The following TGIF1 variants were observed in gnomAD, a reference collection of about 807,000 sequenced individuals.
TGIF1 encodes the protein TGFB induced factor homeobox 1.
In TGIF1, 4 loss-of-function variants were observed where a neutral mutation model predicts 19.3. The ratio of observed to expected loss-of-function variants is 0.21; its 90% CI spans 0.10 to 0.47. TGIF1 has a LOEUF of 0.47. TGIF1 is among the 20% of genes least tolerant of loss of function. The pLI, the probability that TGIF1 is intolerant of heterozygous loss-of-function variation, is 0.98. For synonymous variants in TGIF1, 122 were observed against 129.3 expected (o/e 0.94, Z 0.38); for missense variants, 275 against 341.4 (o/e 0.81, Z 1.53).
intron 2 of TGIF1, among the ~76,000 whole-genome samples, chr18:3,428,642 C>G (rs1399794661): frequency 6.6e-6 from 1 of 151,918 alleles, no homozygotes; most frequent in Non-Finnish European, 1.5e-5. Context: ...GAGGCTGAGG[C>G]GGGAGAATCA....
chr18:3,445,724 A>C (rs2082733240), upstream of TGIF1, among the ~76,000 whole-genome samples: 1 of 20,970 alleles, frequency 4.8e-5, no homozygotes, highest in African/African-American at 2.5e-4. Flanking sequence ...ACTCTGTCTC[A>C]AAAAAAAAAA....
At chr18:3,452,492 G>A in intron 1 of TGIF1, 2 of 1,509,388 alleles carry the variant, frequency 1.3e-6, no homozygotes, top group African/African-American at 1.4e-5. Context: ...CTGGCGAGTC[G>A]TCTGGGGTGG....
chr18:3,436,505 G>T (rs180964198), intron 2 of TGIF1, among the ~76,000 whole-genome samples: 21 of 152,222 alleles, frequency 1.4e-4, no homozygotes, highest in African/African-American at 3.6e-4. Context: ...AAATCTATAG[G>T]CCCCAGATTA....
At chr18:3,445,752 A>AAAAAAAAAAAAAAAG (rs1568041600), upstream of TGIF1, among the ~76,000 whole-genome samples, 4 of 115,002 alleles carry the variant, frequency 3.5e-5, no homozygotes, top group African/African-American at 1.7e-4. Context: ...AAAAAAAAAA[A>AAAAAAAAAAAAAAAG]AGAGAAGAAA....
rs1223937701 is a variant in TGIF1 at position 3,458,361 on chromosome 18, G to A, written c.*421G>A. The A allele has an allele frequency of 6.1e-6, 1 of 162,648 alleles. No homozygotes were observed. The highest frequency in any genetic ancestry group is 1.3e-5 in the Non-Finnish European group (1 of 75,824). The allele number at this position is 162,648 out of a possible 1,614,324, so 10.1% of individuals were successfully genotyped here. A position where few individuals can be genotyped will look rare whatever the true frequency, so the allele number is the denominator to read the frequency against. On this transcript the variant is annotated 3_prime_UTR_variant, in exon 3 of 3. Coordinates refer to ENST00000343820, the MANE Select transcript of TGIF1 (RefSeq NM_003244.4). The stretch of plus-strand genomic sequence containing the variant: ...TTTTTTTCAAACAAGTATGAATCTA[G>A]TTGGTTGATGCCTTTTTTTTCATGA...
At chr18:3,436,967 T>TG (rs2082622068) in intron 2 of TGIF1, among the ~76,000 whole-genome samples, 1 of 151,986 alleles carries the variant, frequency 6.6e-6, no homozygotes, top group Non-Finnish European at 1.5e-5. Context: ...TAGCCAGGCC[T>TG]GGTGGCTCAT....
chr18:3,424,683 A>G (rs2082446475), intron 2 of TGIF1, among the ~76,000 whole-genome samples: 1 of 152,108 alleles, frequency 6.6e-6, no homozygotes, highest in Admixed American at 6.6e-5. Flanking sequence ...CTCGGGGAGG[A>G]GAGAGTAGCT....
chr18:3,457,632 T>C lies in TGIF1; in HGVS notation c.511T>C (p.Ser171Pro). 1 of 1,614,210 alleles carries C rather than the reference T, an allele frequency of 6.2e-7. No individual in the cohort carries two copies. The highest frequency in any genetic ancestry group is 8.5e-7 in the Non-Finnish European group (1 of 1,180,030). ...CCCGGGATCAGTTTTGGCTCGTCCA[T>C]CAGTGATCTGCCATACCACTGTGAC... ...SSPGSVLARP[S>P]VICHTTVTAL... Residue 171 changes from serine to proline, a missense_variant, in exon 3 of 3, where the codon TCA (serine) becomes CCA (proline). Transcript: ENST00000343820. This position sits in a 1 kb window ranked among gnomAD's most constrained non-coding sequence, Gnocchi z 4.9.
rs2049352134 is a variant in TGIF1, at chr18:3,456,298, T to C, written c.17-56T>C. 1 of 1,509,122 alleles carries C rather than the reference T, an allele frequency of 6.6e-7. No homozygotes were observed. The highest frequency in any genetic ancestry group is 9.2e-7 in the Non-Finnish European group (1 of 1,085,260). The allele number at this position is 1,509,122 out of a possible 1,614,324, so 93.5% of individuals were successfully genotyped here. Reference sequence around the variant, plus strand: ...TGAATGGTCAGCGTTAAGTGAGCTTTGCAATAGTTGCTGTGCTTATAAAGC... The same window carrying C: ...TGAATGGTCAGCGTTAAGTGAGCTTCGCAATAGTTGCTGTGCTTATAAAGC... On this transcript the variant is annotated intron_variant, in intron 1 of 2. Transcript: ENST00000343820. The surrounding 1 kb of genome is among the most constrained non-coding windows in gnomAD (Gnocchi z 4.2).
chr18:3,420,016 A>AT (rs2082381705), intron 2 of TGIF1, among the ~76,000 whole-genome samples: 1 of 143,340 alleles, frequency 7.0e-6, no homozygotes, highest in Non-Finnish European at 1.5e-5. Flanking sequence ...AAAAAAAAAA[A>AT]GGAAAAAGAA....
chr18:3,452,379 A>G, intron 1 of TGIF1: 1 of 1,613,234 alleles, frequency 6.2e-7, no homozygotes, highest in South Asian at 1.1e-5. Context: ...GGAAACAATG[A>G]AAGGTGACGG....
chr18:3,448,832 A>G (rs1249697832), upstream of TGIF1, among the ~76,000 whole-genome samples: 1 of 150,094 alleles, frequency 6.7e-6, no homozygotes, highest in Non-Finnish European at 1.5e-5. Flanking sequence ...CTCGGGTTTA[A>G]TCTTATTTCC....
chr18:3,451,585 G>A lies in TGIF1; in HGVS notation c.16+1080G>A, dbSNP rs907288632. On this transcript the variant is annotated intron_variant, in intron 1 of 2. Coordinates refer to ENST00000343820, the MANE Select transcript of TGIF1 (RefSeq NM_003244.4). The surrounding 1 kb of genome is among the most constrained non-coding windows in gnomAD (Gnocchi z 5.4). The stretch of plus-strand genomic sequence containing the variant: ...CATGCCCGGGAGCCGCCTGGAGTTT[G>A]GAACTCCACATTCTTTCAGACCCGG... 1 of 1,036,856 alleles carries A rather than the reference G, an allele frequency of 9.6e-7. No individual in the cohort carries two copies. Among genetic ancestry groups the A allele is most frequent in the Non-Finnish European group, 1.2e-6 (1 of 864,368 alleles). The allele number at this position is 1,036,856 out of a possible 1,614,324, so 64.2% of individuals were successfully genotyped here.
At chr18:3,413,443 T>C (rs760598255) in intron 1 of TGIF1, among the ~76,000 whole-genome samples, 70 of 152,354 alleles carry the variant, frequency 4.6e-4, no homozygotes, top group Non-Finnish European at 8.7e-4. Context: ...CTGACATCTT[T>C]ATAATATTGA....
Position 3,458,104 on chromosome 18 carries a change from G to T in TGIF1, c.*164G>T. On this transcript the variant is annotated 3_prime_UTR_variant, in exon 3 of 3. Coordinates refer to ENST00000343820, the MANE Select transcript of TGIF1 (RefSeq NM_003244.4). The stretch of plus-strand genomic sequence containing the variant: ...CTTCAATGGAATACAGTCATTCCAA[G>T]AACTATAAACTTAAAGCTACTGTAG... 1.5e-6 allele frequency: 1 copy of T among 649,506 alleles called. No individual in the cohort carries two copies. The highest frequency in any genetic ancestry group is 2.6e-6 in the Non-Finnish European group (1 of 381,778). 40.2% of individuals were successfully genotyped at this position (649,506 alleles called of 1,614,324 possible).
At chr18:3,439,076 G>A (rs2082650898) in intron 2 of TGIF1, among the ~76,000 whole-genome samples, 1 of 152,124 alleles carries the variant, frequency 6.6e-6, no homozygotes, top group South Asian at 2.1e-4. Context: ...CATTCACTAT[G>A]AGAGCTTATC....
chr18:3,423,219 A>G (rs997695360), intron 2 of TGIF1, among the ~76,000 whole-genome samples: 6 of 152,216 alleles, frequency 3.9e-5, no homozygotes, highest in Admixed American at 1.3e-4. Flanking sequence ...CCCGTCGTTG[A>G]TGCATGACAG....
chr18:3,426,885 T>C (rs1027696065), intron 2 of TGIF1, among the ~76,000 whole-genome samples: 28 of 151,588 alleles, frequency 1.8e-4, no homozygotes, highest in Non-Finnish European at 1.9e-4. Context: ...TGGGGTACTA[T>C]GCAGCGGTAA....
chr18:3,444,386 G>C (rs1376610432), intron 2 of TGIF1, among the ~76,000 whole-genome samples: 1 of 146,774 alleles, frequency 6.8e-6, no homozygotes, highest in Non-Finnish European at 1.5e-5. Flanking sequence ...CACAGGGTTT[G>C]TTGTACATAT....
Sources: allele counts gnomAD v4.1 joint callset (sites outside exome capture counted in the v4.1 genomes callset), GRCh38; gene constraint gnomAD v4.1.1; non-coding constraint Gnocchi (gnomAD v3.1); transcripts MANE v1.5; gene names NCBI Gene and HGNC (gene_info 2026-07-23, HGNC 2026-07-21).